Variants in ATXN1 observed in about 807,000 individuals in gnomAD.
The protein encoded by ATXN1 is ataxin-1.
Under a neutral mutation model 56.4 loss-of-function variants are expected in ATXN1, and 8 were observed. That is an observed-to-expected ratio of 0.14 (90% CI 0.08 to 0.26). ATXN1 has a LOEUF of 0.26. Ranked by LOEUF, ATXN1 falls within the 10% of genes least tolerant of loss-of-function variation. The probability of loss-of-function intolerance (pLI) is 1.00; values close to 1 mark genes in which losing one functional copy is unlikely to be tolerated. For missense variants in ATXN1, 987 were observed against 1,106.5 expected, an observed-to-expected ratio of 0.89 and a Z score of 1.53; for synonymous variants, 514 against 494.6, an observed-to-expected ratio of 1.04 and a Z score of -0.52.
At chr6:16,519,493 C>T (rs3817837) in intron 5 of ATXN1, among the ~76,000 whole-genome samples, 75,713 of 152,000 alleles carry the variant, frequency 0.5, 19,311 homozygotes, top group East Asian at 0.75. Flanking sequence ...TTGCATTTCT[C>T]TGTGCAGTCC....
chr6:16,688,921 G>A (rs1758977463), intron 2 of ATXN1, among the ~76,000 whole-genome samples: 1 of 152,106 alleles, frequency 6.6e-6, no homozygotes, highest in South Asian at 2.1e-4. Context: ...AAATAGACTT[G>A]GAGATGCATG....
chr6:16,469,182 G>A (rs1466963825), intron 6 of ATXN1, among the ~76,000 whole-genome samples: 2 of 152,184 alleles, frequency 1.3e-5, no homozygotes, highest in Non-Finnish European at 2.9e-5. Flanking sequence ...ATTGAAAGTT[G>A]TCTGTGACAT....
Position 16,718,612 on chromosome 6 carries a change from A to T in ATXN1, c.-615+34621T>A, listed in dbSNP as rs537397931. ...TGTTGAGTTACACCATCCAACTAGG[A>T]ATTAAATATATTATGCTCTTTGGTA... On this transcript the variant is annotated intron_variant, in intron 2 of 7. Coordinates refer to ENST00000436367, the MANE Select transcript of ATXN1 (RefSeq NM_001128164.2). 2.6e-5 allele frequency among the ~76,000 whole-genome samples: 4 copies of T among 152,370 alleles called. No individual in the cohort carries two copies. In the East Asian group the frequency reaches 7.7e-4, roughly 29 times the overall value.
rs775022351 is a variant in ATXN1, at chr6:16,299,517, G to C, written c.*6812C>G. 6.6e-6 allele frequency: 1 copy of C among 152,590 alleles called. No individual in the cohort carries two copies. The highest frequency in any genetic ancestry group is 1.5e-5 in the Non-Finnish European group (1 of 68,038). 9.5% of individuals were successfully genotyped at this position (152,590 alleles called of 1,614,324 possible). On this transcript the variant is annotated 3_prime_UTR_variant, in exon 8 of 8. Transcript: ENST00000436367. Reference sequence around the variant, plus strand: ...GCACTTAAAATTTTCTTTTCAATAAGGTGCAAAACATCATTCCTTCCCTAG... The same window carrying C: ...GCACTTAAAATTTTCTTTTCAATAACGTGCAAAACATCATTCCTTCCCTAG...
chr6:16,730,487 G>GTGTGTGTA (rs141836403), intron 2 of ATXN1, among the ~76,000 whole-genome samples: 15 of 132,052 alleles, frequency 1.1e-4, no homozygotes, highest in East Asian at 6.2e-4. Flanking sequence ...AAAACAGTAT[G>GTGTGTGTA]TATATATATA....
At chr6:16,407,616 A>G (rs1417859092) in intron 6 of ATXN1, among the ~76,000 whole-genome samples, 1 of 152,232 alleles carries the variant, frequency 6.6e-6, no homozygotes, top group Non-Finnish European at 1.5e-5. Context: ...TGCAGAGAGG[A>G]GACTAAAATT....
intron 3 of ATXN1, among the ~76,000 whole-genome samples, chr6:16,621,856 C>A (rs563436453): frequency 6.6e-6 from 1 of 152,316 alleles, no homozygotes; most frequent in African/African-American, 2.4e-5. Context: ...GTTAAGACAA[C>A]AGGCTTTGGT....
At chr6:16,464,512 TC>T (rs1305668970) in intron 6 of ATXN1, among the ~76,000 whole-genome samples, 1 of 152,128 alleles carries the variant, frequency 6.6e-6, no homozygotes, top group Non-Finnish European at 1.5e-5. Flanking sequence ...TACTGCTCAC[TC>T]TTTGGGTCCA....
In ATXN1 at chr6:16,326,278, C is replaced by CT; in HGVS notation, c.1917+115dup. The stretch of plus-strand genomic sequence containing the variant: ...AGTTGGGAAAGGCCGAGTCTAAGGT[C>CT]TAGGTGTACCCGAGAACCCTTAATC... On this transcript the variant is annotated intron_variant, in intron 7 of 7. Coordinates refer to ENST00000436367, the MANE Select transcript of ATXN1 (RefSeq NM_001128164.2). This position sits in a 1 kb window ranked among gnomAD's most constrained non-coding sequence, Gnocchi z 6.6. 6.7e-7 allele frequency: 1 copy of CT among 1,502,348 alleles called. No individual in the cohort carries two copies. Among genetic ancestry groups the CT allele is most frequent in the Non-Finnish European group, 8.8e-7 (1 of 1,130,784 alleles). 93.1% of individuals were successfully genotyped at this position (1,502,348 alleles called of 1,614,324 possible).
At chr6:16,349,442 G>A (rs1414835027) in intron 6 of ATXN1, among the ~76,000 whole-genome samples, 2 of 152,076 alleles carry the variant, frequency 1.3e-5, no homozygotes, top group African/African-American at 4.8e-5. Flanking sequence ...GGCAGAGGTT[G>A]CAGTGAGCTG....
intron 4 of ATXN1, among the ~76,000 whole-genome samples, chr6:16,544,194 G>C (rs1485800147): frequency 1.3e-5 from 2 of 152,190 alleles, no homozygotes; most frequent in Non-Finnish European, 2.9e-5. Context: ...TTGCCAGCAG[G>C]GACTGAGTGT....
At chr6:16,752,565 C>T (rs556354956) in intron 2 of ATXN1, among the ~76,000 whole-genome samples, 19 of 152,268 alleles carry the variant, frequency 1.2e-4, no homozygotes, top group Admixed American at 5.2e-4. Flanking sequence ...CCCTTGGTTA[C>T]ATACACTCAA....
intron 7 of ATXN1, among the ~76,000 whole-genome samples, chr6:16,324,930 G>C (rs1385140441): frequency 6.6e-6 from 1 of 152,104 alleles, no homozygotes; most frequent in Non-Finnish European, 1.5e-5. Flanking sequence ...TTAGTGTCTT[G>C]TGGATCCCAG....
At chr6:16,479,517 T>A (rs1215206134) in intron 6 of ATXN1, among the ~76,000 whole-genome samples, 4 of 152,202 alleles carry the variant, frequency 2.6e-5, no homozygotes, top group Non-Finnish European at 5.9e-5. Flanking sequence ...TTTACAAAAG[T>A]GAAAAATTTA....
intron 2 of ATXN1, among the ~76,000 whole-genome samples, chr6:16,719,016 C>T (rs1759695196): frequency 6.6e-6 from 1 of 152,162 alleles, no homozygotes; most frequent in Admixed American, 6.5e-5. Context: ...GTCTTTATTT[C>T]CCGGGGACTC....
chr6:16,675,959 G>C (rs923577215), intron 2 of ATXN1, among the ~76,000 whole-genome samples: 1 of 152,088 alleles, frequency 6.6e-6, no homozygotes, highest in Non-Finnish European at 1.5e-5. Context: ...GAAGCGGACA[G>C]GGTTATGGGG....
chr6:16,389,132 CGA>C (rs1271295520), intron 6 of ATXN1, among the ~76,000 whole-genome samples: 2 of 152,028 alleles, frequency 1.3e-5, no homozygotes, highest in Non-Finnish European at 2.9e-5. Context: ...GTGAGGAGTT[CGA>C]GAGACCAGCC....
intron 6 of ATXN1, among the ~76,000 whole-genome samples, chr6:16,438,155 G>A (rs1759432520): frequency 6.6e-6 from 1 of 152,162 alleles, no homozygotes; most frequent in South Asian, 2.1e-4. Flanking sequence ...CTGACAGGAG[G>A]TGGAGCTTAG....
chr6:16,671,552 T>C (rs1031346353), intron 2 of ATXN1, among the ~76,000 whole-genome samples: 1 of 152,174 alleles, frequency 6.6e-6, no homozygotes, highest in African/African-American at 2.4e-5. Flanking sequence ...ACAAAGTTCA[T>C]AAATGTTATC....
Sources: gnomAD v4.1 joint callset for allele counts (sites outside exome capture counted in the v4.1 genomes callset) on GRCh38, gnomAD v4.1.1 for gene constraint, Gnocchi (gnomAD v3.1) non-coding constraint, MANE v1.5 for transcripts, NCBI Gene and HGNC (gene_info 2026-07-23, HGNC 2026-07-21) for gene names.